BMPER: variants seen among roughly 807,000 people sequenced by gnomAD.
BMPER encodes the protein BMP-binding endothelial regulator protein.
A neutral mutation model predicts 87.3 loss-of-function variants in BMPER; 45 were observed. That is an observed-to-expected ratio of 0.52 (90% CI 0.41 to 0.66). The LOEUF (loss-of-function observed/expected upper bound fraction) is 0.66, where lower values mean the gene tolerates loss of function less well. Among genes scored for constraint, BMPER ranks in the 30% least tolerant of loss-of-function variants. The probability of loss-of-function intolerance (pLI) is 0.00; values close to 1 mark genes in which losing one functional copy is unlikely to be tolerated. For synonymous variants in BMPER, 326 were observed against 316.2 expected (o/e 1.03, Z -0.33); for missense variants, 784 against 867.5 (o/e 0.90, Z 1.21).
intron 8 of BMPER, among the ~76,000 whole-genome samples, chr7:34,053,548 A>T (rs535958961): frequency 6.6e-6 from 1 of 152,358 alleles, no homozygotes; most frequent in Admixed American, 6.5e-5. Context: ...TAAACAGTCA[A>T]TTAACACATA....
intron 6 of BMPER, among the ~76,000 whole-genome samples, chr7:34,030,379 G>C (rs765816039): frequency 7.2e-5 from 11 of 151,976 alleles, no homozygotes; most frequent in Non-Finnish European, 1.3e-4. Context: ...ATGGCAAAAG[G>C]GTTCTATGGT....
intron 6 of BMPER, among the ~76,000 whole-genome samples, chr7:34,033,902 C>A (rs1787594835): frequency 6.6e-6 from 1 of 152,216 alleles, no homozygotes; most frequent in Admixed American, 6.5e-5. Flanking sequence ...AAGTCCTGAA[C>A]TGCTGTCGTT....
At chr7:34,081,891 T>C (rs553480798) in intron 12 of BMPER, among the ~76,000 whole-genome samples, 1 of 152,278 alleles carries the variant, frequency 6.6e-6, no homozygotes, top group South Asian at 2.1e-4. Context: ...TTTTTGCACG[T>C]TCTCTCTCAG....
chr7:33,937,938 T>C (rs1267022853), intron 3 of BMPER, among the ~76,000 whole-genome samples: 1 of 152,150 alleles, frequency 6.6e-6, no homozygotes, highest in African/African-American at 2.4e-5. Flanking sequence ...AGCCACATGC[T>C]CCTTCTGGAA....
chr7:34,059,096 A>G (rs1788362005), intron 10 of BMPER, among the ~76,000 whole-genome samples: 1 of 152,032 alleles, frequency 6.6e-6, no homozygotes, highest in African/African-American at 2.4e-5. Context: ...CTCCCATAAA[A>G]GAAAAAAAAA....
intron 11 of BMPER, among the ~76,000 whole-genome samples, chr7:34,075,876 C>A (rs1275057747): frequency 2.0e-5 from 3 of 152,178 alleles, no homozygotes; most frequent in African/African-American, 7.2e-5. Flanking sequence ...AAGTTCACTG[C>A]GCCTGCAGGA....
chr7:34,047,400 T>C (rs529646479), intron 7 of BMPER, among the ~76,000 whole-genome samples: 1 of 152,242 alleles, frequency 6.6e-6, no homozygotes, highest in Non-Finnish European at 1.5e-5. Flanking sequence ...TGCTTCAGCC[T>C]CCCAAGTAGC....
chr7:34,002,933 A>G (rs1786622463), intron 6 of BMPER, among the ~76,000 whole-genome samples: 1 of 151,370 alleles, frequency 6.6e-6, no homozygotes, highest in Non-Finnish European at 1.5e-5. Flanking sequence ...GACAGTATAT[A>G]GTTTTATCCT....
chr7:33,991,692 C>T, intron 6 of BMPER, among the ~76,000 whole-genome samples: 1 of 151,328 alleles, frequency 6.6e-6, no homozygotes, highest in Non-Finnish European at 1.5e-5. Context: ...TTTTCTAGTT[C>T]TTTTAATTGT....
intron 3 of BMPER, chr7:33,940,004 G>T (rs955005283): frequency 3.6e-6 from 1 of 273,986 alleles, no homozygotes. Context: ...TTAAATACTG[G>T]AGACTCCCAG....
At chr7:34,018,899 A>G (rs1323713139) in intron 6 of BMPER, among the ~76,000 whole-genome samples, 3 of 152,010 alleles carry the variant, frequency 2.0e-5, no homozygotes. Flanking sequence ...TGGAATTGAA[A>G]TGGGCTGCTT....
At chr7:34,132,577 C>T (rs35934124) in intron 13 of BMPER, among the ~76,000 whole-genome samples, 16,273 of 152,228 alleles carry the variant, frequency 0.11, 1,198 homozygotes, top group Non-Finnish European at 0.15. Context: ...ATTTCAAAGA[C>T]GGTATGTATC....
intron 3 of BMPER, among the ~76,000 whole-genome samples, chr7:33,946,998 A>G (rs562549149): frequency 2.3e-4 from 35 of 152,240 alleles, no homozygotes; most frequent in Non-Finnish European, 3.7e-4. Flanking sequence ...ACAGAAAAGT[A>G]AGTAAATTAT....
chr7:34,008,964 C>T (rs1409316247), intron 6 of BMPER, among the ~76,000 whole-genome samples: 1 of 151,936 alleles, frequency 6.6e-6, no homozygotes, highest in African/African-American at 2.4e-5. Context: ...ACCTCAGCCT[C>T]CTGAGTAGAC....
chr7:33,961,600 A>G (rs1368327979), intron 3 of BMPER, among the ~76,000 whole-genome samples: 1 of 152,186 alleles, frequency 6.6e-6, no homozygotes, highest in Non-Finnish European at 1.5e-5. Context: ...ACTGGGAGAA[A>G]GCATCTAGAA....
In BMPER at chr7:34,079,003, G is replaced by A; in HGVS notation, c.1225G>A (p.Ala409Thr). ...SPFQVLVKNDARRTRSFSWTK... is the reference protein window; with the variant it reads ...SPFQVLVKNDTRRTRSFSWTK... ...CTTCCAGGTGCTGGTGAAGAACGAC[G>A]CCCGCCGGACACGCTCCTTCTCGTG... The change falls in exon 12 of 15, where the codon GCC becomes ACC. Residue 409 changes from alanine (A) to threonine (T), a missense_variant. By Grantham distance (58) the Ala-to-Thr change is moderately conservative. Coordinates refer to ENST00000649409, the MANE Select transcript of BMPER (RefSeq NM_001365308.1). The A allele has an allele frequency of 6.2e-7, 1 of 1,614,222 alleles. No homozygotes were observed. Among genetic ancestry groups the A allele is most frequent in the East Asian group, 2.2e-5 (1 of 44,878 alleles).
chr7:33,933,197 C>T (rs768661961), intron 2 of BMPER, among the ~76,000 whole-genome samples: 1 of 152,114 alleles, frequency 6.6e-6, no homozygotes, highest in African/African-American at 2.4e-5. Flanking sequence ...ACTCCCTATG[C>T]CCCCCTTTTA....
At chr7:34,114,199 C>T (rs1790054083) in intron 13 of BMPER, among the ~76,000 whole-genome samples, 3 of 152,208 alleles carry the variant, frequency 2.0e-5, no homozygotes. Context: ...GGGAGTTCAC[C>T]TCCATCCCTG....
intron 3 of BMPER, among the ~76,000 whole-genome samples, chr7:33,958,140 T>C (rs149590458): frequency 0.012 from 1,758 of 152,328 alleles, 20 homozygotes; most frequent in African/African-American, 0.013. Context: ...ACTAGAAACA[T>C]GTTCCTATTA....
Sources: gnomAD v4.1 joint callset for allele counts (sites outside exome capture counted in the v4.1 genomes callset) on GRCh38, gnomAD v4.1.1 for gene constraint, MANE v1.5 for transcripts, NCBI Gene and HGNC (gene_info 2026-07-23, HGNC 2026-07-21) for gene names.